FIGN: variants seen among roughly 807,000 people sequenced by gnomAD.
The protein encoded by FIGN is fidgetin.
FIGN carries 11 observed loss-of-function variants against 51.3 expected under a neutral mutation model. That is an observed-to-expected ratio of 0.21 (90% CI 0.13 to 0.35). FIGN has a LOEUF of 0.35. Ranked by LOEUF, FIGN falls within the 10% of genes least tolerant of loss-of-function variation. FIGN has a pLI of 1.00. For missense variants in FIGN, 857 were observed against 943.6 expected (o/e 0.91, Z 1.20); for synonymous variants, 407 against 363.2 (o/e 1.12, Z -1.37).
chr2:163,660,769 G>A (rs1362534335), intron 2 of FIGN, among the ~76,000 whole-genome samples: 3 of 27,968 alleles, frequency 1.1e-4, no homozygotes, highest in Non-Finnish European at 1.9e-4. Flanking sequence ...ACATATATAT[G>A]TATACACATA....
intron 2 of FIGN, among the ~76,000 whole-genome samples, chr2:163,671,033 A>G (rs906804259): frequency 6.6e-6 from 1 of 152,222 alleles, no homozygotes; most frequent in Non-Finnish European, 1.5e-5. Flanking sequence ...AACTGGAACT[A>G]CTATATAACA....
In FIGN at chr2:163,602,685, T is replaced by C. The variant is rs1574217001; in HGVS notation, c.*6867A>G. On this transcript the variant is annotated 3_prime_UTR_variant, in exon 3 of 3. Transcript: ENST00000333129. ...TTATTCCATGATAGTAGCATAGCCA[T>C]ATACAACAAATTTTACAATAGAGAA... 1 of 152,192 alleles carries C rather than the reference T, an allele frequency of 6.6e-6. No homozygotes were observed. Among genetic ancestry groups the C allele is most frequent in the East Asian group, 1.9e-4 (1 of 5,180 alleles). The allele number at this position is 152,192 out of a possible 1,614,324, so 9.4% of individuals were successfully genotyped here.
At chr2:163,660,491 A>T (rs1683635959) in intron 2 of FIGN, among the ~76,000 whole-genome samples, 1 of 151,702 alleles carries the variant, frequency 6.6e-6, no homozygotes, top group African/African-American at 2.4e-5. Flanking sequence ...CCTGCAACAT[A>T]CAAAGAGAAA....
At chr2:163,619,480 T>C (rs1682933087) in intron 2 of FIGN, among the ~76,000 whole-genome samples, 2 of 152,174 alleles carry the variant, frequency 1.3e-5, no homozygotes, top group South Asian at 4.1e-4. Context: ...AATTGGGTTC[T>C]CTACAATGCA....
At chr2:163,626,013 C>T (rs963044489) in intron 2 of FIGN, among the ~76,000 whole-genome samples, 2 of 152,128 alleles carry the variant, frequency 1.3e-5, no homozygotes, top group African/African-American at 4.8e-5. Flanking sequence ...TCTTCCAATG[C>T]AACCTTTCTT....
At chr2:163,684,367 A>G (rs1428993249) in intron 2 of FIGN, among the ~76,000 whole-genome samples, 1 of 152,212 alleles carries the variant, frequency 6.6e-6, no homozygotes, top group Non-Finnish European at 1.5e-5. Context: ...GCCTTTTTGC[A>G]TTTTTAAAAT....
At chr2:163,685,516 A>G (rs955517985) in intron 2 of FIGN, among the ~76,000 whole-genome samples, 1 of 152,176 alleles carries the variant, frequency 6.6e-6, no homozygotes, top group African/African-American at 2.4e-5. Flanking sequence ...CAAAAGTGAC[A>G]TGATCTGTGT....
intron 2 of FIGN, among the ~76,000 whole-genome samples, chr2:163,677,159 A>G (rs1402707602): frequency 6.6e-6 from 1 of 152,234 alleles, no homozygotes; most frequent in Non-Finnish European, 1.5e-5. Flanking sequence ...GCCAGATTTT[A>G]TCTATCTGAA....
At position 163,607,233 on chromosome 2, in the gene FIGN, T is replaced by C. The variant is rs1397368910; in HGVS notation, c.*2319A>G. On this transcript the variant is annotated 3_prime_UTR_variant, in exon 3 of 3. Coordinates refer to ENST00000333129, the MANE Select transcript of FIGN (RefSeq NM_018086.4). ...ATGAACCTACAAGTTAATGTGGATA[T>C]TAGAATTTCCTTACAAGGGATGCAC... 5 of 152,176 alleles carry C rather than the reference T, an allele frequency of 3.3e-5. No homozygotes were observed. 9.4% of individuals were successfully genotyped at this position (152,176 alleles called of 1,614,324 possible). A position where few individuals can be genotyped will look rare whatever the true frequency, so the allele number is the denominator to read the frequency against.
intron 2 of FIGN, among the ~76,000 whole-genome samples, chr2:163,637,441 C>T (rs1391699267): frequency 2.6e-5 from 4 of 152,180 alleles, no homozygotes; most frequent in Non-Finnish European, 5.9e-5. Context: ...CTGGAGAAAA[C>T]ATACTCAGTG....
chr2:163,669,026 A>G lies in FIGN; in HGVS notation c.26-57220T>C, dbSNP rs984663301. ...TTAAGAAAAAAAGGAATATATATAT[A>G]TATATATATACACTATAAATTCTTA... On this transcript the variant is annotated intron_variant, in intron 2 of 2. Coordinates refer to ENST00000333129, the MANE Select transcript of FIGN (RefSeq NM_018086.4). Among the ~76,000 whole-genome samples, 2 of 148,536 alleles carry G rather than the reference A, an allele frequency of 1.3e-5. 1 individual carries two copies. Among genetic ancestry groups the G allele is most frequent in the African/African-American group, 4.9e-5 (2 of 40,556 alleles).
intron 2 of FIGN, among the ~76,000 whole-genome samples, chr2:163,683,733 G>C (rs929347665): frequency 3.9e-5 from 6 of 152,182 alleles, no homozygotes; most frequent in Non-Finnish European, 7.3e-5. Flanking sequence ...CCTGGGCAGT[G>C]AGATTTTTAA....
At chr2:163,620,851 T>TGTGTG (rs138439085) in intron 2 of FIGN, among the ~76,000 whole-genome samples, 1 of 147,486 alleles carries the variant, frequency 6.8e-6, no homozygotes, top group Non-Finnish European at 1.5e-5. Context: ...GTGTAAATAT[T>TGTGTG]TGTGTGTGTG....
intron 2 of FIGN, among the ~76,000 whole-genome samples, chr2:163,693,220 A>G (rs1323288270): frequency 6.6e-6 from 1 of 151,460 alleles, no homozygotes; most frequent in Non-Finnish European, 1.5e-5. Context: ...TCTAGTCAAG[A>G]GTGGGATGTA....
chr2:163,723,253 T>C (rs1264798263), intron 2 of FIGN, among the ~76,000 whole-genome samples: 1 of 152,152 alleles, frequency 6.6e-6, no homozygotes, highest in Non-Finnish European at 1.5e-5. Context: ...GATAGTTTCC[T>C]ATGCTTTTAT....
At chr2:163,658,142 G>A (rs927480023) in intron 2 of FIGN, among the ~76,000 whole-genome samples, 2 of 152,132 alleles carry the variant, frequency 1.3e-5, no homozygotes, top group African/African-American at 4.8e-5. Context: ...TATTACTGGG[G>A]TAGTCTTAGG....
At chr2:163,729,216 A>G (rs980910288) in intron 2 of FIGN, among the ~76,000 whole-genome samples, 5 of 152,112 alleles carry the variant, frequency 3.3e-5, no homozygotes, top group African/African-American at 1.2e-4. Flanking sequence ...ACACATATAT[A>G]TTTCATATAT....
chr2:163,632,448 C>T (rs1159731148), intron 2 of FIGN, among the ~76,000 whole-genome samples: 1 of 152,132 alleles, frequency 6.6e-6, no homozygotes, highest in Non-Finnish European at 1.5e-5. Context: ...CTCTGCTATC[C>T]CCCGACTTTC....
intron 2 of FIGN, among the ~76,000 whole-genome samples, chr2:163,648,211 A>G (rs1683413416): frequency 6.6e-6 from 1 of 152,020 alleles, no homozygotes; most frequent in Non-Finnish European, 1.5e-5. Flanking sequence ...AACCATCACA[A>G]GCAGAGGAGA....
Sources: gnomAD v4.1 joint callset for allele counts (sites outside exome capture counted in the v4.1 genomes callset) on GRCh38, gnomAD v4.1.1 for gene constraint, MANE v1.5 for transcripts, NCBI Gene and HGNC (gene_info 2026-07-23, HGNC 2026-07-21) for gene names.